ZNF608: variants seen among roughly 807,000 people sequenced by gnomAD.
ZNF608 encodes renal carcinoma antigen NY-REN-36.
In ZNF608, 12 loss-of-function variants were observed where a neutral mutation model predicts 109.0. The ratio of observed to expected loss-of-function variants is 0.11; its 90% CI spans 0.07 to 0.18. The LOEUF (loss-of-function observed/expected upper bound fraction) is 0.18, where lower values mean the gene tolerates loss of function less well. Ranked by LOEUF, ZNF608 falls within the 10% of genes least tolerant of loss-of-function variation. The pLI is 1.00. For synonymous variants in ZNF608, 732 were observed against 717.4 expected (o/e 1.02, Z -0.33); for missense variants, 1,707 against 1,879.3 (o/e 0.91, Z 1.70).
chr5:124,656,799 AAC>A (rs35634231), intron 3 of ZNF608, among the ~76,000 whole-genome samples: 14,661 of 123,574 alleles, frequency 0.12, 777 homozygotes, highest in South Asian at 0.15. Flanking sequence ...ATAAGCCCTA[AAC>A]ACACACACAC....
intron 3 of ZNF608, among the ~76,000 whole-genome samples, chr5:124,655,755 T>C (rs1208994241): frequency 2.6e-5 from 4 of 152,360 alleles, no homozygotes; most frequent in East Asian, 1.9e-4. Flanking sequence ...CCCCCCATTA[T>C]TATGTTGTCG....
intron 3 of ZNF608, among the ~76,000 whole-genome samples, chr5:124,650,853 A>T (rs1020177065): frequency 6.6e-6 from 1 of 152,220 alleles, no homozygotes; most frequent in African/African-American, 2.4e-5. Flanking sequence ...GCCATTGTGA[A>T]TTTTACAGAA....
In ZNF608 at chr5:124,744,736, A is replaced by G. The variant is rs1749572971; in HGVS notation, c.254T>C (p.Phe85Ser). The change falls in exon 2 of 10, where the codon TTT (phenylalanine) becomes TCT (serine). Residue 85 changes from phenylalanine to serine, a missense_variant. Around this residue, in one of 7 missense-constraint regions of ZNF608, gnomAD observed 407 missense variants for 398.7 expected, o/e 1.02. Coordinates refer to ENST00000513986, the MANE Select transcript of ZNF608 (RefSeq NM_020747.3). This position sits in a 1 kb window ranked among gnomAD's most constrained non-coding sequence, Gnocchi z 4.5. Reference sequence around the variant, plus strand: ...GGGAGCAGAGGCCTGAACAGAAGCAAATTTTAGGCCATCAGCTAAGGCTGC... The same window carrying G: ...GGGAGCAGAGGCCTGAACAGAAGCAGATTTTAGGCCATCAGCTAAGGCTGC... ...ATAALADGLK[F>S]ASVQASAPQG... is the part of the protein sequence containing the mutation. The G allele has an allele frequency of 9.3e-6, 15 of 1,614,128 alleles. No individual in the cohort carries two copies. Among genetic ancestry groups the G allele is most frequent in the Non-Finnish European group, 1.2e-5 (14 of 1,180,016 alleles).
chr5:124,642,804 A>T (rs112156708), intron 7 of ZNF608, among the ~76,000 whole-genome samples: 2,495 of 150,532 alleles, frequency 0.017, 65 homozygotes, highest in African/African-American at 0.057. Context: ...GCTCAAGCAA[A>T]TCTCCTGCCT....
rs200986042 is a variant in ZNF608 at position 124,647,399 on chromosome 5, G to A, written c.2985C>T (p.Pro995=). 2.8e-5 allele frequency: 46 copies of A among 1,614,104 alleles called. No individual in the cohort carries two copies. The highest frequency in any genetic ancestry group is 3.6e-5 in the Non-Finnish European group (43 of 1,180,048). Residue 995 remains proline (P), a synonymous_variant, in exon 5 of 10, where the codon CCC becomes CCT. Coordinates refer to ENST00000513986, the MANE Select transcript of ZNF608 (RefSeq NM_020747.3). ...AATAAGGATCATAGCTGTGGTAATA[G>A]GGAGAATGGGACTCTTTCAGTTGAG... ...QSSQLKESHS[P]YYHSYDPYYS...
Position 124,745,003 on chromosome 5 carries a change from T to G in ZNF608, c.-14A>C, listed in dbSNP as rs898854507. 6.3e-7 allele frequency: 1 copy of G among 1,577,402 alleles called. No homozygotes were observed. The highest frequency in any genetic ancestry group is 1.8e-5 in the Admixed American group (1 of 54,802). ...GTTCACTGACATCCTGAAGATGAGC[T>G]CTCTAGAATAAAAATCCGATGAACT... On this transcript the variant is annotated 5_prime_UTR_variant, in exon 2 of 10. Transcript: ENST00000513986.
At chr5:124,664,312 G>T (rs1751390827) in intron 3 of ZNF608, among the ~76,000 whole-genome samples, 2 of 152,192 alleles carry the variant, frequency 1.3e-5, no homozygotes, top group African/African-American at 4.8e-5. Context: ...AAAAATGTAA[G>T]CCTATGGACA....
chr5:124,708,629 G>T, intron 2 of ZNF608: 1 of 438,796 alleles, frequency 2.3e-6, no homozygotes, highest in Non-Finnish European at 4.6e-6. Context: ...TTGTTTTATT[G>T]TTGTTGTTTT....
chr5:124,649,056 G>C lies in ZNF608; in HGVS notation c.1328C>G (p.Ala443Gly). Residue 443 changes from alanine (A) to glycine (G), a missense_variant, in exon 5 of 10, where the codon GCT (alanine) becomes GGT (glycine). By Grantham distance (60) the Ala-to-Gly change is moderately conservative (BLOSUM62 0). Coordinates refer to ENST00000513986, the MANE Select transcript of ZNF608 (RefSeq NM_020747.3). Reference protein sequence around the residue: ...GRGKRARSAAAAPGSEASFTE... With the variant: ...GRGKRARSAAGAPGSEASFTE... Reference sequence around the variant, plus strand: ...GAAGCTGGCCTCGGAGCCCGGGGCAGCAGCAGCAGACCTCGCTCTCTTCCC... The same window carrying C: ...GAAGCTGGCCTCGGAGCCCGGGGCACCAGCAGCAGACCTCGCTCTCTTCCC... 6.2e-7 allele frequency: 1 copy of C among 1,614,082 alleles called. No homozygotes were observed. Among genetic ancestry groups the C allele is most frequent in the Admixed American group, 1.7e-5 (1 of 60,012 alleles).
chr5:124,682,032 C>T (rs1313477181), intron 3 of ZNF608, among the ~76,000 whole-genome samples: 2 of 152,196 alleles, frequency 1.3e-5, no homozygotes, highest in Admixed American at 6.5e-5. Context: ...ATTTTTTAAG[C>T]ATCTGAGCTT....
rs1750605282 is a variant in ZNF608 at position 124,647,926 on chromosome 5, T to C, written c.2458A>G (p.Lys820Glu). The change falls in exon 5 of 10, where the codon AAG (lysine) becomes GAG (glutamate). Residue 820 changes from lysine to glutamate, a missense_variant. Physicochemically the swap from Lys to Glu is moderately conservative, Grantham distance 56. Around this residue, in one of 7 missense-constraint regions of ZNF608, gnomAD observed 1,073 missense variants for 1,133.5 expected, o/e 0.95. Transcript: ENST00000513986. ...DKKKKEKRKL[K>E]DKEGKETGSP... is the part of the protein sequence containing the mutation. Reference sequence around the variant, plus strand: ...CCCGTCTCTTTCCCTTCTTTGTCCTTTAGCTTTCGCTTCTCCTTTTTCTTT... The same window carrying C: ...CCCGTCTCTTTCCCTTCTTTGTCCTCTAGCTTTCGCTTCTCCTTTTTCTTT... 6.2e-7 allele frequency: 1 copy of C among 1,614,072 alleles called. No individual in the cohort carries two copies. Among genetic ancestry groups the C allele is most frequent in the South Asian group, 1.1e-5 (1 of 91,092 alleles).
Position 124,746,562 on chromosome 5 carries a change from G to T in ZNF608, c.-551C>A. The T allele has an allele frequency of 1.0e-6, 1 of 985,184 alleles. No individual in the cohort carries two copies. The highest frequency in any genetic ancestry group is 1.2e-6 in the Non-Finnish European group (1 of 829,896). 61.0% of individuals were successfully genotyped at this position (985,184 alleles called of 1,614,324 possible). A position where few individuals can be genotyped will look rare whatever the true frequency, so the allele number is the denominator to read the frequency against. On this transcript the variant is annotated 5_prime_UTR_variant, in exon 1 of 10. Coordinates refer to ENST00000513986, the MANE Select transcript of ZNF608 (RefSeq NM_020747.3). ...AAAAGTTTTCCCAACTTCTCATTCC[G>T]CCTTCAGTTCCAGACTTCAGAGTCA...
chr5:124,637,942 A>G (rs1467721592), intron 9 of ZNF608, 36 bp from the exon 10 acceptor site: 1 of 1,610,438 alleles, frequency 6.2e-7, no homozygotes. Flanking sequence ...ACACGGTTCT[A>G]TCAACATTTT....
chr5:124,700,029 A>G (rs1752990078), intron 3 of ZNF608, among the ~76,000 whole-genome samples: 1 of 152,136 alleles, frequency 6.6e-6, no homozygotes, highest in Non-Finnish European at 1.5e-5. Flanking sequence ...GCAAATGACC[A>G]TGATATCAAC....
intron 2 of ZNF608, among the ~76,000 whole-genome samples, chr5:124,712,619 G>A (rs1207259387): frequency 6.6e-6 from 1 of 152,208 alleles, no homozygotes; most frequent in Non-Finnish European, 1.5e-5. Context: ...GGTCTGGGCA[G>A]TCTGGTGTCC....
intron 4 of ZNF608, 44 bp from the exon 5 acceptor site, chr5:124,649,177 G>T: frequency 6.7e-7 from 1 of 1,486,484 alleles, no homozygotes; most frequent in South Asian, 1.4e-5. Flanking sequence ...ATCCCCAAAA[G>T]AGCCAGGTGA....
chr5:124,702,501 G>GTTT lies in ZNF608; in HGVS notation c.907-1235_907-1233dup, dbSNP rs11427187. Among the ~76,000 whole-genome samples the GTTT allele has an allele frequency of 1.4e-3, 205 of 147,562 alleles. 1 individual carries two copies. The highest frequency in any genetic ancestry group is 4.5e-3 in the African/African-American group (182 of 40,228). On this transcript the variant is annotated intron_variant, in intron 2 of 9. Transcript: ENST00000513986. The stretch of plus-strand genomic sequence containing the variant: ...AGTATATAGTCTTTGTTGGGTTTTG[G>GTTT]TTTTTTTTTTTGAAAAGAAACAAAA...
intron 2 of ZNF608, among the ~76,000 whole-genome samples, chr5:124,726,541 C>T (rs1754145590): frequency 6.6e-6 from 1 of 152,082 alleles, no homozygotes; most frequent in Non-Finnish European, 1.5e-5. Flanking sequence ...TCCATGCCTA[C>T]CAAAGAAGCC....
intron 2 of ZNF608, among the ~76,000 whole-genome samples, chr5:124,723,526 A>G (rs553155503): frequency 6.6e-6 from 1 of 152,188 alleles, no homozygotes; most frequent in Non-Finnish European, 1.5e-5. Context: ...CATCTCTACT[A>G]GAAGTACAAA....
Sources: allele counts gnomAD v4.1 joint callset (sites outside exome capture counted in the v4.1 genomes callset), GRCh38; gene constraint gnomAD v4.1.1; regional missense constraint gnomAD v4.1.1; non-coding constraint Gnocchi (gnomAD v3.1); transcripts MANE v1.5; gene names NCBI Gene and HGNC (gene_info 2026-07-23, HGNC 2026-07-21).